Variants in CCT8 observed in about 807,000 individuals in gnomAD.
CCT8 encodes T-complex protein 1 subunit theta.
Under a neutral mutation model 65.7 loss-of-function variants are expected in CCT8, and 10 were observed. That is an observed-to-expected ratio of 0.15 (90% CI 0.09 to 0.26). The LOEUF is 0.26. Ranked by LOEUF, CCT8 falls within the 10% of genes least tolerant of loss-of-function variation. CCT8 has a pLI of 1.00. For synonymous variants in CCT8, 199 were observed against 221.8 expected, an observed-to-expected ratio of 0.90 and a Z score of 0.92; for missense variants, 568 against 669.1, an observed-to-expected ratio of 0.85 and a Z score of 1.67.
chr21:29,071,458 C>T (rs1288656378), intron 1 of CCT8, among the ~76,000 whole-genome samples: 1 of 150,376 alleles, frequency 6.6e-6, no homozygotes, highest in African/African-American at 2.4e-5. Context: ...GATCGTGGCA[C>T]GATCTCAGCT....
chr21:29,073,324 C>A (rs1398938617), intron 1 of CCT8: 4 of 1,414,956 alleles, frequency 2.8e-6, no homozygotes, highest in African/African-American at 1.4e-5. Context: ...ATCCCTCGGC[C>A]TTCTCCCGGT....
Position 29,061,411 on chromosome 21 carries a change from G to A in CCT8, c.1291C>T (p.Pro431Ser), listed in dbSNP as rs757084392. 2 of 1,613,932 alleles carry A rather than the reference G, an allele frequency of 1.2e-6. No homozygotes were observed. The highest frequency in any genetic ancestry group is 2.2e-5 in the East Asian group (1 of 44,876). The change falls in exon 13 of 15, where the codon CCT becomes TCT. Residue 431 changes from proline (P) to serine (S), a missense_variant. Pro to Ser is a moderately conservative substitution (Grantham distance 74). Transcript: ENST00000286788. The part of the protein sequence containing the change: ...KQITSYGETC[P>S]GLEQYAIKKF... ...TTAATAGCATACTGTTCAAGTCCAG[G>A]ACATGTCTAAAACAAAAATGCGTTA... is the stretch of plus-strand genomic sequence containing the variant.
intron 1 of CCT8, 151 bp from the exon 2 acceptor site, chr21:29,070,488 T>C: frequency 4.1e-6 from 2 of 489,800 alleles, no homozygotes; most frequent in African/African-American, 2.0e-5. Context: ...TTGCAAATCT[T>C]AGCTTTCTGG....
At chr21:29,056,897 TTA>T (rs1198209708) in intron 14 of CCT8, among the ~76,000 whole-genome samples, 1 of 152,176 alleles carries the variant, frequency 6.6e-6, no homozygotes, top group Non-Finnish European at 1.5e-5. Context: ...GATTTGCTAT[TTA>T]TATATGAGAT....
Position 29,056,528 on chromosome 21 carries a change from C to G in CCT8, c.1594G>C (p.Gly532Arg). 5.1e-6 allele frequency: 8 copies of G among 1,554,384 alleles called. No homozygotes were observed. Among genetic ancestry groups the G allele is most frequent in the Non-Finnish European group, 7.0e-6 (8 of 1,150,328 alleles). The change falls in exon 15 of 15, where the codon GGG (glycine) becomes CGG (arginine). Residue 532 changes from glycine (G) to arginine (R), a missense_variant. Coordinates refer to ENST00000286788, the MANE Select transcript of CCT8 (RefSeq NM_006585.4). Reference protein sequence around the residue: ...DQIIMAKPAGGPKPPSGKKDW... With the variant: ...DQIIMAKPAGRPKPPSGKKDW... ...TTCTTCCCACTTGGAGGCTTGGGCC[C>G]ACCAGCTGGTTTTGCCATGATGATC...
At chr21:29,073,358 A>G (rs2146447982) in intron 1 of CCT8, 173 bp downstream of exon 1, 2 of 1,429,624 alleles carry the variant, frequency 1.4e-6, no homozygotes, top group Non-Finnish European at 1.8e-6. Context: ...AAGTGCCCGC[A>G]GGCTCCGGTG....
Position 29,067,402 on chromosome 21 carries a change from C to T in CCT8, c.381+154G>A, listed in dbSNP as rs186341405. ...GGGTTTTTGTGAGACTAAAATGATA[C>T]AGCATGTGAAGCATATGTACTATAA... On this transcript the variant is annotated intron_variant, in intron 4 of 14. Transcript: ENST00000286788. 9.8e-4 allele frequency: 502 copies of T among 513,406 alleles called. 1 individual carries two copies. The highest frequency in any genetic ancestry group is 5.0e-3 in the East Asian group (152 of 30,680). The allele number at this position is 513,406 out of a possible 1,614,324, so 31.8% of individuals were successfully genotyped here.
chr21:29,069,489 C>T lies in CCT8; in HGVS notation c.165G>A (p.Met55Ile), dbSNP rs142529353. Residue 55 changes from methionine to isoleucine, a missense_variant, in exon 3 of 15, where the codon ATG becomes ATA. Met to Ile is a conservative substitution (Grantham distance 10). Transcript: ENST00000286788. Reference sequence around the variant, plus strand: ...ACAACTTCTCCAAGTGGTTGATAACCATTTTGTTCATTCCTCAAAAGTAAC... The same window carrying T: ...ACAACTTCTCCAAGTGGTTGATAACTATTTTGTTCATTCCTCAAAAGTAAC... ...TAYGPNGMNK[M>I]VINHLEKLFV... 1.5e-4 allele frequency: 242 copies of T among 1,561,966 alleles called. 1 individual carries two copies. The East Asian group carries it at 5.7e-3, about 37-fold the overall frequency.
chr21:29,057,378 C>A (rs2085509513), intron 14 of CCT8, among the ~76,000 whole-genome samples: 1 of 151,112 alleles, frequency 6.6e-6, no homozygotes, highest in Non-Finnish European at 1.5e-5. Context: ...ACCACGTTGG[C>A]CAGGCTGGTC....
chr21:29,071,989 CTGTTGT>C (rs200313570), intron 1 of CCT8: 17 of 697,332 alleles, frequency 2.4e-5, no homozygotes, highest in East Asian at 1.3e-4. Flanking sequence ...GCCCTACAAC[CTGTTGT>C]TGTTGTTGTT....
chr21:29,063,397 T>C lies in CCT8; in HGVS notation c.896A>G (p.Asp299Gly). The C allele has an allele frequency of 1.2e-6, 2 of 1,614,082 alleles. No homozygotes were observed. The highest frequency in any genetic ancestry group is 1.7e-6 in the Non-Finnish European group (2 of 1,180,014). The change falls in exon 8 of 15, where the codon GAC (aspartate) becomes GGC (glycine). Residue 299 changes from aspartate (D) to glycine (G), a missense_variant. Coordinates refer to ENST00000286788, the MANE Select transcript of CCT8 (RefSeq NM_006585.4). ...NVVVTGGKVADMALHYANKYN... is the reference protein window; with the variant it reads ...NVVVTGGKVAGMALHYANKYN... The stretch of plus-strand genomic sequence containing the variant: ...TTTATTTGCATAATGAAGAGCCATG[T>C]CTGCCACTTTGCCACCTGTTACTAC...
chr21:29,062,066 CTT>C, intron 11 of CCT8, 60 bp downstream of exon 11: 1 of 1,115,752 alleles, frequency 9.0e-7, no homozygotes, highest in South Asian at 1.3e-5. Flanking sequence ...GCAAACTGTA[CTT>C]TTAAGACCAT....
intron 3 of CCT8, among the ~76,000 whole-genome samples, chr21:29,069,002 T>C (rs2146440083): frequency 6.6e-6 from 1 of 152,308 alleles, no homozygotes; most frequent in African/African-American, 2.4e-5. Flanking sequence ...ATTCTAATAG[T>C]AAAACTAAAG....
chr21:29,072,202 CA>C (rs780627466), intron 1 of CCT8: 21 of 466,234 alleles, frequency 4.5e-5, no homozygotes, highest in Non-Finnish European at 7.2e-5. Flanking sequence ...CCTTCTTTTA[CA>C]GACATTTTTA....
At chr21:29,070,979 ATGTATTGAAAAGCGAAC>A (rs1239722874) in intron 1 of CCT8, among the ~76,000 whole-genome samples, 1 of 152,258 alleles carries the variant, frequency 6.6e-6, no homozygotes, top group African/African-American at 2.4e-5. Flanking sequence ...CCCAATGTAT[ATGTATTGAAAAGCGAAC>A]TGCTCACGGT....
rs988429046 is a variant in CCT8 at position 29,061,412 on chromosome 21, A to C, written c.1290T>G (p.Cys430Trp). Residue 430 changes from cysteine to tryptophan, a missense_variant, in exon 13 of 15, where the codon TGT becomes TGG. Physicochemically the swap from Cys to Trp is radical, Grantham distance 215. Transcript: ENST00000286788. ...TAATAGCATACTGTTCAAGTCCAGG[A>C]CATGTCTAAAACAAAAATGCGTTAA... ...AKQITSYGETCPGLEQYAIKK... is the reference protein window; with the variant it reads ...AKQITSYGETWPGLEQYAIKK... 1.2e-6 allele frequency: 2 copies of C among 1,613,898 alleles called. No homozygotes were observed. The highest frequency in any genetic ancestry group is 2.7e-5 in the African/African-American group (2 of 74,918).
At position 29,065,103 on chromosome 21, in the gene CCT8, G is replaced by C. The variant is rs1441447463; in HGVS notation, c.627C>G (p.Gly209=). 3.1e-6 allele frequency: 5 copies of C among 1,613,446 alleles called. No homozygotes were observed. The African/African-American group carries it at 5.3e-5, about 17-fold the overall frequency. ...ATACTGAAGAGGAACTGATACCAGA[G>C]CCCTAAGGAATTGAATACCAAACTC... ...VDNIRVCKIL[G]SGISSSSVLH... is the part of the protein sequence containing the mutation. The change falls in exon 7 of 15, where the codon GGC becomes GGG. Residue 209 remains glycine, a splice_region_variant and synonymous_variant. Coordinates refer to ENST00000286788, the MANE Select transcript of CCT8 (RefSeq NM_006585.4).
chr21:29,064,896 G>GT, intron 7 of CCT8, 72 bp downstream of exon 7: 1 of 1,357,412 alleles, frequency 7.4e-7, no homozygotes, highest in South Asian at 1.2e-5. Flanking sequence ...GTACTTACTG[G>GT]TTTAAGAGCT....
In CCT8 at chr21:29,067,717, G is replaced by T; in HGVS notation, c.232-12C>A. 7.5e-7 allele frequency: 1 copy of T among 1,338,366 alleles called. No individual in the cohort carries two copies. The highest frequency in any genetic ancestry group is 2.6e-5 in the South Asian group (1 of 38,430). The allele number at this position is 1,338,366 out of a possible 1,614,324, so 82.9% of individuals were successfully genotyped here. Reference sequence around the variant, plus strand: ...GCAGGATGCTGTACCTAGTAGAAAAGGTAATATCAAGTTAAACATCTGATC... The same window carrying T: ...GCAGGATGCTGTACCTAGTAGAAAATGTAATATCAAGTTAAACATCTGATC... On this transcript the variant is annotated splice_polypyrimidine_tract_variant and intron_variant, in intron 3 of 14. Coordinates refer to ENST00000286788, the MANE Select transcript of CCT8 (RefSeq NM_006585.4).
Sources: allele counts gnomAD v4.1 joint callset (sites outside exome capture counted in the v4.1 genomes callset), GRCh38; gene constraint gnomAD v4.1.1; transcripts MANE v1.5; gene names NCBI Gene and HGNC (gene_info 2026-07-23, HGNC 2026-07-21).